WDFY2: variants seen among roughly 807,000 people sequenced by gnomAD.
WDFY2 encodes the protein WD repeat and FYVE domain-containing protein 2.
A neutral mutation model predicts 56.4 loss-of-function variants in WDFY2; 36 were observed. The observed-to-expected ratio is 0.64, with a 90% CI of 0.49 to 0.84. The LOEUF is 0.84. Among genes scored for constraint, WDFY2 ranks in the 40% least tolerant of loss-of-function variants. The probability of loss-of-function intolerance (pLI) is 0.00; values close to 1 mark genes in which losing one functional copy is unlikely to be tolerated. For missense variants in WDFY2, 444 were observed against 512.2 expected (o/e 0.87, Z 1.29); for synonymous variants, 176 against 183.7 (o/e 0.96, Z 0.34).
At chr13:51,671,303 A>G (rs1955802678) in intron 2 of WDFY2, among the ~76,000 whole-genome samples, 1 of 152,162 alleles carries the variant, frequency 6.6e-6, no homozygotes, top group African/African-American at 2.4e-5. Flanking sequence ...TGTTTTCCAT[A>G]GTGGTTGTAC....
intron 3 of WDFY2, among the ~76,000 whole-genome samples, chr13:51,677,785 T>C (rs1044386726): frequency 3.9e-5 from 6 of 152,012 alleles, no homozygotes; most frequent in Middle Eastern, 3.2e-3. Context: ...GAGCAAGATC[T>C]GGTAGGAGAC....
At chr13:51,665,636 C>T (rs529110289) in intron 2 of WDFY2, among the ~76,000 whole-genome samples, 1 of 152,296 alleles carries the variant, frequency 6.6e-6, no homozygotes, top group South Asian at 2.1e-4. Flanking sequence ...CTTACTCTAT[C>T]AGAGGATTGG....
intron 1 of WDFY2, chr13:51,585,953 G>A (rs1953929105): frequency 2.5e-6 from 1 of 398,368 alleles, no homozygotes; most frequent in Admixed American, 4.4e-5. Flanking sequence ...TAACTAGGAT[G>A]AGTATATTAA....
rs1299927471 is a variant in WDFY2 at position 51,764,809 on chromosome 13, A to G, written c.*5040A>G. Reference sequence around the variant, plus strand: ...CTGAGAGGAGGAGGTGGAGACTATCAGTGCACGGCCCGCAACCAGGAAGGA... The same window carrying G: ...CTGAGAGGAGGAGGTGGAGACTATCGGTGCACGGCCCGCAACCAGGAAGGA... On this transcript the variant is annotated 3_prime_UTR_variant, in exon 12 of 12. Transcript: ENST00000298125. 2.0e-5 allele frequency: 3 copies of G among 152,300 alleles called. No homozygotes were observed. Among genetic ancestry groups the G allele is most frequent in the African/African-American group, 4.8e-5 (2 of 41,448 alleles). 9.4% of individuals were successfully genotyped at this position (152,300 alleles called of 1,614,324 possible).
chr13:51,688,869 A>G (rs1173933514), intron 3 of WDFY2, among the ~76,000 whole-genome samples: 1 of 152,166 alleles, frequency 6.6e-6, no homozygotes, highest in African/African-American at 2.4e-5. Flanking sequence ...AACTGATCTC[A>G]TATCATTTGC....
At chr13:51,751,558 T>A in intron 8 of WDFY2, 143 bp downstream of exon 8, 1 of 818,880 alleles carries the variant, frequency 1.2e-6, no homozygotes, top group Non-Finnish European at 2.0e-6. Flanking sequence ...GTTGTTTGGG[T>A]TGTTTTTTTT....
intron 1 of WDFY2, chr13:51,592,648 CTG>C (rs1954072094): frequency 6.6e-6 from 1 of 151,934 alleles, no homozygotes; most frequent in Admixed American, 6.6e-5. Flanking sequence ...GTTGACCTCT[CTG>C]TGTGACTATG....
At chr13:51,613,865 G>C (rs1461233533) in intron 1 of WDFY2, among the ~76,000 whole-genome samples, 1 of 152,016 alleles carries the variant, frequency 6.6e-6, no homozygotes, top group African/African-American at 2.4e-5. Flanking sequence ...TTAATGATTT[G>C]ATTTCTCCTT....
At chr13:51,744,827 T>C (rs1237936072) in intron 7 of WDFY2, among the ~76,000 whole-genome samples, 1 of 152,244 alleles carries the variant, frequency 6.6e-6, no homozygotes, top group African/African-American at 2.4e-5. Flanking sequence ...AAGGTATCTG[T>C]TCATTCTTCG....
chr13:51,711,311 C>T (rs1186349728), intron 4 of WDFY2, among the ~76,000 whole-genome samples: 7 of 152,262 alleles, frequency 4.6e-5, no homozygotes, highest in South Asian at 2.1e-4. Context: ...AAGACTTAAA[C>T]GTTAGACCTA....
intron 7 of WDFY2, among the ~76,000 whole-genome samples, chr13:51,743,191 A>C (rs1177190867): frequency 1.3e-5 from 2 of 152,206 alleles, no homozygotes; most frequent in African/African-American, 4.8e-5. Flanking sequence ...CTATTTAGCT[A>C]AACACATAAT....
At chr13:51,650,647 C>T (rs1955361431) in intron 1 of WDFY2, among the ~76,000 whole-genome samples, 1 of 152,128 alleles carries the variant, frequency 6.6e-6, no homozygotes, top group African/African-American at 2.4e-5. Context: ...TTGTCAAAGG[C>T]CTTTTCTGCA....
chr13:51,632,861 G>A (rs934013351), intron 1 of WDFY2, among the ~76,000 whole-genome samples: 6 of 152,176 alleles, frequency 3.9e-5, no homozygotes, highest in Non-Finnish European at 7.3e-5. Flanking sequence ...CATCTGCCAA[G>A]TAGGTCTAAT....
At chr13:51,608,748 G>C (rs981311430) in intron 1 of WDFY2, among the ~76,000 whole-genome samples, 2 of 152,132 alleles carry the variant, frequency 1.3e-5, no homozygotes, top group African/African-American at 4.8e-5. Flanking sequence ...GATTATATCA[G>C]ATATGCATAT....
intron 7 of WDFY2, among the ~76,000 whole-genome samples, chr13:51,741,967 G>T (rs948680281): frequency 2.0e-5 from 3 of 152,152 alleles, no homozygotes; most frequent in African/African-American, 7.2e-5. Context: ...TAGGCCTCAA[G>T]GCTGCCCTTT....
intron 9 of WDFY2, among the ~76,000 whole-genome samples, chr13:51,755,674 G>A (rs894655544): frequency 6.6e-6 from 1 of 152,124 alleles, no homozygotes; most frequent in Admixed American, 6.5e-5. Context: ...TAAGCAGTTA[G>A]GGATGTGATT....
In WDFY2 at chr13:51,762,398, C is replaced by T. The variant is rs549293448; in HGVS notation, c.*2629C>T. On this transcript the variant is annotated 3_prime_UTR_variant, in exon 12 of 12. Coordinates refer to ENST00000298125, the MANE Select transcript of WDFY2 (RefSeq NM_052950.4). The stretch of plus-strand genomic sequence containing the variant: ...CAGAGGCTGAAGCCACTTCACAGCC[C>T]ACTGGTGTTGAGAATCATCATCAGA... 1 of 152,410 alleles carries T rather than the reference C, an allele frequency of 6.6e-6. No individual in the cohort carries two copies. The highest frequency in any genetic ancestry group is 1.9e-4 in the East Asian group (1 of 5,192). The allele number at this position is 152,410 out of a possible 1,614,324, so 9.4% of individuals were successfully genotyped here.
At chr13:51,633,902 T>C (rs1441905872) in intron 1 of WDFY2, among the ~76,000 whole-genome samples, 1 of 152,228 alleles carries the variant, frequency 6.6e-6, no homozygotes, top group African/African-American at 2.4e-5. Flanking sequence ...TTCTTTCCCA[T>C]TGGTCATTCT....
intron 1 of WDFY2, chr13:51,591,240 A>G (rs1029003322): frequency 1.3e-5 from 2 of 152,254 alleles, no homozygotes; most frequent in Non-Finnish European, 1.5e-5. Context: ...AAAAAGCAGC[A>G]TGCTTGTGTG....
Sources: allele counts gnomAD v4.1 joint callset (sites outside exome capture counted in the v4.1 genomes callset), GRCh38; gene constraint gnomAD v4.1.1; transcripts MANE v1.5; gene names NCBI Gene and HGNC (gene_info 2026-07-23, HGNC 2026-07-21).